AFF1: variants seen among roughly 807,000 people sequenced by gnomAD.
AFF1 encodes ALF transcription elongation factor 1, also known as AF4/FMR2 family member 1.
Under a neutral mutation model 121.7 loss-of-function variants are expected in AFF1, and 48 were observed. The observed-to-expected ratio is 0.39, with a 90% CI of 0.31 to 0.50. The LOEUF (loss-of-function observed/expected upper bound fraction) is 0.50. Ranked by LOEUF, AFF1 falls within the 20% of genes least tolerant of loss-of-function variation. The probability of loss-of-function intolerance (pLI) is 0.76; values close to 1 mark genes in which losing one functional copy is unlikely to be tolerated. For missense variants in AFF1, 1,523 were observed against 1,511.7 expected, an observed-to-expected ratio of 1.01 and a Z score of -0.12; for synonymous variants, 613 against 563.0, an observed-to-expected ratio of 1.09 and a Z score of -1.26.
At chr4:87,065,328 G>T (rs1721234654) in intron 4 of AFF1, among the ~76,000 whole-genome samples, 1 of 152,026 alleles carries the variant, frequency 6.6e-6, no homozygotes, top group African/African-American at 2.4e-5. Context: ...AACAGCACGG[G>T]AAAGACCTGC....
rs141965623 is a variant in AFF1, at chr4:87,020,889, T to G, written c.39-25277T>G. ...AATGTATTCTTCCAGAAGGTTTCTT[T>G]GAGTATAGGTGATATTTCTTAAAAA... is the stretch of plus-strand genomic sequence containing the variant. On this transcript the variant is annotated intron_variant, in intron 2 of 20. Coordinates refer to ENST00000395146, the MANE Select transcript of AFF1 (RefSeq NM_001166693.3). The G allele has an allele frequency of 6.4e-4, 590 of 915,382 alleles. 7 individuals are homozygous for G. In the African/African-American group the frequency reaches 8.3e-3, roughly 13 times the overall value. The allele number at this position is 915,382 out of a possible 1,614,324, so 56.7% of individuals were successfully genotyped here.
chr4:87,063,494 C>T (rs954327069), intron 4 of AFF1, among the ~76,000 whole-genome samples: 1 of 152,106 alleles, frequency 6.6e-6, no homozygotes, highest in African/African-American at 2.4e-5. Flanking sequence ...CCACCTCGGC[C>T]TCCCAAAGTG....
chr4:87,019,184 T>C (rs1259512482), intron 2 of AFF1, among the ~76,000 whole-genome samples: 1 of 152,226 alleles, frequency 6.6e-6, no homozygotes, highest in Non-Finnish European at 1.5e-5. Context: ...TCTTCTGCCT[T>C]GGATAGTTTA....
intron 2 of AFF1, among the ~76,000 whole-genome samples, chr4:87,006,025 C>T (rs1726084942): frequency 6.6e-6 from 1 of 152,226 alleles, no homozygotes; most frequent in African/African-American, 2.4e-5. Context: ...ATCTAGTAAA[C>T]ACACTTTGAG....
chr4:86,953,741 T>C (rs575036071), intron 2 of AFF1, among the ~76,000 whole-genome samples: 3 of 151,928 alleles, frequency 2.0e-5, no homozygotes, highest in Non-Finnish European at 4.4e-5. Flanking sequence ...TTTTTTGAGA[T>C]GGAGTTTTGC....
chr4:87,032,366 G>A (rs1729162452), intron 2 of AFF1, among the ~76,000 whole-genome samples: 1 of 152,194 alleles, frequency 6.6e-6, no homozygotes, highest in Admixed American at 6.5e-5. Flanking sequence ...TAGTTTTTAT[G>A]ACATTAAGCT....
intron 7 of AFF1, among the ~76,000 whole-genome samples, chr4:87,094,145 T>C (rs1724591164): frequency 6.6e-6 from 1 of 152,178 alleles, no homozygotes; most frequent in Non-Finnish European, 1.5e-5. Flanking sequence ...TCTTCTTGTT[T>C]GTTCCCACTG....
chr4:86,950,011 C>T, intron 2 of AFF1: 1 of 1,614,098 alleles, frequency 6.2e-7, no homozygotes, highest in South Asian at 1.1e-5. Context: ...GCGCCAGTTT[C>T]ACCTGCTGAG....
At chr4:87,085,066 T>C (rs191300079) in intron 5 of AFF1, among the ~76,000 whole-genome samples, 12 of 152,368 alleles carry the variant, frequency 7.9e-5, no homozygotes, top group African/African-American at 2.6e-4. Flanking sequence ...CTTTTTGCTT[T>C]TGTTTATTGA....
At chr4:86,991,081 G>A (rs1447568102) in intron 2 of AFF1, among the ~76,000 whole-genome samples, 4 of 151,966 alleles carry the variant, frequency 2.6e-5, no homozygotes, top group African/African-American at 9.7e-5. Flanking sequence ...GAACCCAGGA[G>A]GTGGAGGTTG....
At chr4:87,034,115 G>A (rs1729326837) in intron 2 of AFF1, among the ~76,000 whole-genome samples, 1 of 152,200 alleles carries the variant, frequency 6.6e-6, no homozygotes, top group Non-Finnish European at 1.5e-5. Context: ...GACTGGCTGA[G>A]GAGCCGATAG....
At chr4:87,005,875 G>A (rs78069553) in intron 2 of AFF1, among the ~76,000 whole-genome samples, 6,799 of 152,300 alleles carry the variant, frequency 0.045, 495 homozygotes, top group African/African-American at 0.15. Flanking sequence ...CACTGCTTTG[G>A]TTAGTGCGAA....
rs1729069830 is a variant in AFF1, at chr4:87,133,863, T to TA, written c.3312-607dup. ...AGCCAAGAGTGGAGTAAAGAGGAGA[T>TA]AGAGTCTTCTGATGCATGATACTTA... On this transcript the variant is annotated intron_variant, in intron 19 of 20. Coordinates refer to ENST00000395146, the MANE Select transcript of AFF1 (RefSeq NM_001166693.3). Among the ~76,000 whole-genome samples, 5 of 152,356 alleles carry TA rather than the reference T, an allele frequency of 3.3e-5. No individual in the cohort carries two copies. The South Asian group carries it at 1.0e-3, about 32-fold the overall frequency.
chr4:87,126,984 A>T, intron 14 of AFF1, 42 bp from the exon 15 acceptor site: 1 of 1,552,506 alleles, frequency 6.4e-7, no homozygotes. Context: ...CAGTGGTCTT[A>T]AATGTTAGAG....
At chr4:87,057,982 ATC>A (rs1720325806) in intron 4 of AFF1, among the ~76,000 whole-genome samples, 1 of 152,148 alleles carries the variant, frequency 6.6e-6, no homozygotes, top group East Asian at 1.9e-4. Flanking sequence ...TGGCTTGGCA[ATC>A]TCTGGTGTAA....
At chr4:87,103,582 ATC>A (rs1725633617) in intron 8 of AFF1, among the ~76,000 whole-genome samples, 2 of 152,174 alleles carry the variant, frequency 1.3e-5, no homozygotes, top group Admixed American at 1.3e-4. Context: ...TTTTGTTACT[ATC>A]TATGTAATTC....
intron 2 of AFF1, among the ~76,000 whole-genome samples, chr4:86,986,035 CAATTCAATTTAATTTAATTTAATTT>C (rs1449948023): frequency 2.2e-5 from 3 of 137,630 alleles, no homozygotes; most frequent in African/African-American, 8.3e-5. Flanking sequence ...AAATTTAATT[CAATTCAATTTAATTTAATTTAATTT>C]AATTTAATTT....
intron 2 of AFF1, among the ~76,000 whole-genome samples, chr4:86,982,593 C>T (rs1330233627): frequency 3.3e-5 from 5 of 151,012 alleles, no homozygotes; most frequent in South Asian, 2.1e-4. Context: ...CGTGGTGGCT[C>T]ATGCACTTTG....
At chr4:86,971,759 C>T (rs751825152) in intron 2 of AFF1, among the ~76,000 whole-genome samples, 7 of 152,152 alleles carry the variant, frequency 4.6e-5, no homozygotes, top group Non-Finnish European at 8.8e-5. Context: ...TGTGGAAGTA[C>T]AAAGGAGGTA....
Sources: allele counts gnomAD v4.1 joint callset (sites outside exome capture counted in the v4.1 genomes callset), GRCh38; gene constraint gnomAD v4.1.1; transcripts MANE v1.5; gene names NCBI Gene and HGNC (gene_info 2026-07-23, HGNC 2026-07-21).